MMD2: variants seen among roughly 807,000 people sequenced by gnomAD.
The protein encoded by MMD2 is monocyte to macrophage differentiation associated 2.
A neutral mutation model predicts 33.5 loss-of-function variants in MMD2; 30 were observed. The observed-to-expected ratio is 0.90, with a 90% CI of 0.67 to 1.22. The LOEUF is 1.22. Among genes scored for constraint, MMD2 ranks in the 50% most tolerant of loss-of-function variants. The pLI is 0.00. For missense variants in MMD2, 364 were observed against 325.4 expected, an observed-to-expected ratio of 1.12 and a Z score of -0.91; for synonymous variants, 129 against 123.0, an observed-to-expected ratio of 1.05 and a Z score of -0.32.
chr7:4,921,792 G>T (rs1342925508), intron 2 of MMD2, among the ~76,000 whole-genome samples: 2 of 152,114 alleles, frequency 1.3e-5, no homozygotes, highest in Non-Finnish European at 2.9e-5. Context: ...ATGGGGACAG[G>T]TCAACAGCAA....
chr7:4,903,692 G>A (rs1784824032), downstream of MMD2, among the ~76,000 whole-genome samples: 4 of 152,214 alleles, frequency 2.6e-5, no homozygotes, highest in Admixed American at 2.6e-4. Flanking sequence ...CCAAATGTGA[G>A]TCTACTGAGC....
chr7:4,900,345 C>T, the MMD2 span, among the ~76,000 whole-genome samples: 6 of 152,052 alleles, frequency 3.9e-5, no homozygotes. Context: ...TGAATGTGTG[C>T]ACGTTCATAA....
the MMD2 span, among the ~76,000 whole-genome samples, chr7:4,897,750 C>A: frequency 2.4e-5 from 2 of 84,808 alleles, no homozygotes; most frequent in Admixed American, 2.4e-4. Flanking sequence ...TTCTTTCTTT[C>A]TTTTTTTGAG....
At chr7:4,914,281 T>C (rs968091377) in intron 4 of MMD2, among the ~76,000 whole-genome samples, 2 of 152,308 alleles carry the variant, frequency 1.3e-5, no homozygotes, top group East Asian at 3.9e-4. Flanking sequence ...TCTGGGAAAT[T>C]ATTAGAAGTG....
At chr7:4,895,814 G>A in the MMD2 span, among the ~76,000 whole-genome samples, 4 of 151,852 alleles carry the variant, frequency 2.6e-5, no homozygotes, top group East Asian at 3.9e-4. Flanking sequence ...GATTACAGGC[G>A]TGAACCACCG....
chr7:4,932,585 C>A (rs1785619289), intron 1 of MMD2, among the ~76,000 whole-genome samples: 1 of 151,562 alleles, frequency 6.6e-6, no homozygotes, highest in Non-Finnish European at 1.5e-5. Context: ...CCAGTGCCAG[C>A]CGGGCAGCTA....
chr7:4,903,536 C>G (rs367687294), downstream of MMD2, among the ~76,000 whole-genome samples: 38 of 152,328 alleles, frequency 2.5e-4, no homozygotes, highest in African/African-American at 8.9e-4. Context: ...GATGCTGACT[C>G]AAATCCTTCC....
At chr7:4,928,847 C>T (rs2115118113) in intron 1 of MMD2, among the ~76,000 whole-genome samples, 1 of 151,970 alleles carries the variant, frequency 6.6e-6, no homozygotes, top group African/African-American at 2.4e-5. Context: ...ATTTATTAAG[C>T]ACCTTTTGTG....
chr7:4,920,030 A>C, intron 3 of MMD2, 141 bp downstream of exon 3: 3 of 983,704 alleles, frequency 3.0e-6, no homozygotes, highest in Non-Finnish European at 4.4e-6. Context: ...GCCTCCTGCA[A>C]AGTCGCCCAG....
chr7:4,938,386 C>G (rs1226198366), intron 1 of MMD2, among the ~76,000 whole-genome samples: 1 of 152,078 alleles, frequency 6.6e-6, no homozygotes, highest in Admixed American at 6.6e-5. Context: ...GGCCTTCTTG[C>G]TGCTGAGGAT....
chr7:4,942,661 G>A (rs1785942532), intron 1 of MMD2, among the ~76,000 whole-genome samples: 2 of 151,656 alleles, frequency 1.3e-5, no homozygotes, highest in South Asian at 4.2e-4. Flanking sequence ...TGCCCAGGCT[G>A]GAGTGCGATG....
intron 1 of MMD2, among the ~76,000 whole-genome samples, chr7:4,933,384 G>T (rs949029394): frequency 6.6e-6 from 1 of 152,080 alleles, no homozygotes; most frequent in Admixed American, 6.5e-5. Context: ...TGTATTGAAG[G>T]TAAATTTGTT....
intron 1 of MMD2, among the ~76,000 whole-genome samples, chr7:4,957,777 G>A (rs933722517): frequency 4.6e-5 from 7 of 152,200 alleles, no homozygotes; most frequent in African/African-American, 1.7e-4. Context: ...ATTTAGGAGA[G>A]ATAGACTCAT....
chr7:4,938,605 A>C (rs906159177), intron 1 of MMD2, among the ~76,000 whole-genome samples: 3 of 152,162 alleles, frequency 2.0e-5, no homozygotes, highest in Non-Finnish European at 4.4e-5. Flanking sequence ...ATCAAGTTTC[A>C]GAATAAGTTT....
chr7:4,902,553 C>T (rs300532), downstream of MMD2, among the ~76,000 whole-genome samples: 35,316 of 152,126 alleles, frequency 0.23, 4,199 homozygotes, highest in South Asian at 0.39. Context: ...GGGAGACTGG[C>T]ACCCCGGAGG....
At chr7:4,913,927 C>T (rs1785077234) in intron 4 of MMD2, among the ~76,000 whole-genome samples, 1 of 151,934 alleles carries the variant, frequency 6.6e-6, no homozygotes, top group Non-Finnish European at 1.5e-5. Flanking sequence ...TCCCAAAGTG[C>T]TGGGATTACA....
chr7:4,950,473 T>C (rs947713360), intron 1 of MMD2, among the ~76,000 whole-genome samples: 6 of 152,104 alleles, frequency 3.9e-5, no homozygotes, highest in Admixed American at 2.0e-4. Context: ...ACTGAAACCC[T>C]GTCCCTATTA....
chr7:4,909,692 T>C (rs962459705), intron 6 of MMD2, 189 bp downstream of exon 6: 18 of 796,496 alleles, frequency 2.3e-5, no homozygotes, highest in Non-Finnish European at 3.7e-5. Flanking sequence ...CACCTCAGCC[T>C]CCCAAAGGAC....
At chr7:4,893,429 T>C in the MMD2 span, among the ~76,000 whole-genome samples, 2 of 151,728 alleles carry the variant, frequency 1.3e-5, no homozygotes, top group Admixed American at 1.3e-4. Flanking sequence ...TCTAGCACTG[T>C]CACTCAGGCT....
Sources: gnomAD v4.1 joint callset for allele counts (sites outside exome capture counted in the v4.1 genomes callset) on GRCh38, gnomAD v4.1.1 for gene constraint, MANE v1.5 for transcripts, NCBI Gene and HGNC (gene_info 2026-07-23, HGNC 2026-07-21) for gene names.